Variants in DOCK3 observed in about 807,000 individuals in gnomAD.
The protein encoded by DOCK3 is dedicator of cytokinesis 3, also known as dedicator of cytokinesis protein 3.
Under a neutral mutation model 265.6 loss-of-function variants are expected in DOCK3, and 60 were observed. The observed-to-expected ratio is 0.23, with a 90% CI of 0.18 to 0.28. The LOEUF is 0.28. Ranked by LOEUF, DOCK3 falls within the 10% of genes least tolerant of loss-of-function variation. DOCK3 has a pLI of 1.00. For missense variants in DOCK3, 1,981 were observed against 2,594.3 expected (o/e 0.76, Z 5.14); for synonymous variants, 881 against 938.0 (o/e 0.94, Z 1.11).
At chr3:51,222,472 G>T (rs1335652676) in intron 14 of DOCK3, among the ~76,000 whole-genome samples, 1 of 152,196 alleles carries the variant, frequency 6.6e-6, no homozygotes, top group Non-Finnish European at 1.5e-5. Flanking sequence ...TGGAGAGCTT[G>T]ATTGAAGTGA....
chr3:51,093,588 C>T (rs1401462537), intron 9 of DOCK3, among the ~76,000 whole-genome samples: 4 of 152,270 alleles, frequency 2.6e-5, no homozygotes, highest in Non-Finnish European at 4.4e-5. Context: ...TGGGCTGAGA[C>T]GATGGGGTTT....
At chr3:51,016,645 T>TA (rs2079285753) in intron 5 of DOCK3, among the ~76,000 whole-genome samples, 1 of 55,432 alleles carries the variant, frequency 1.8e-5, no homozygotes, top group Non-Finnish European at 3.1e-5. Flanking sequence ...TGATATATAT[T>TA]TATATGTTTA....
rs543376850 is a variant in DOCK3, at chr3:50,680,089, G to A, written c.37+4789G>A. Among the ~76,000 whole-genome samples, 6 of 152,208 alleles carry A rather than the reference G, an allele frequency of 3.9e-5. No individual in the cohort carries two copies. The East Asian group carries it at 1.2e-3, about 29-fold the overall frequency. On this transcript the variant is annotated intron_variant, in intron 1 of 52. Transcript: ENST00000266037. The stretch of plus-strand genomic sequence containing the variant: ...TATTATTACACCGTGTCCTCTGAAA[G>A]GAATTGTCAGTAGTATATGACTGTG...
chr3:51,220,687 A>ATATATATG (rs1553797700), intron 14 of DOCK3, among the ~76,000 whole-genome samples: 2 of 67,598 alleles, frequency 3.0e-5, no homozygotes, highest in African/African-American at 1.2e-4. Context: ...ATATATATAT[A>ATATATATG]TGTGTGTGTG....
intron 46 of DOCK3, among the ~76,000 whole-genome samples, chr3:51,358,577 CCT>C (rs1377205928): frequency 6.6e-6 from 1 of 152,168 alleles, no homozygotes; most frequent in Non-Finnish European, 1.5e-5. Flanking sequence ...CCCTTTTCTC[CCT>C]CTGTCTCTCC....
chr3:50,695,051 C>T (rs1288989996), intron 1 of DOCK3, among the ~76,000 whole-genome samples: 3 of 152,216 alleles, frequency 2.0e-5, no homozygotes, highest in Admixed American at 6.5e-5. Context: ...CCTTTGATAA[C>T]GTCTTTAGAT....
chr3:50,918,272 C>A (rs1467324457), intron 4 of DOCK3, among the ~76,000 whole-genome samples: 1 of 152,102 alleles, frequency 6.6e-6, no homozygotes, highest in African/African-American at 2.4e-5. Context: ...TGGATATATA[C>A]CCAGTAATGG....
intron 22 of DOCK3, among the ~76,000 whole-genome samples, chr3:51,256,775 A>C (rs2079574194): frequency 7.0e-6 from 1 of 143,436 alleles, no homozygotes; most frequent in African/African-American, 2.6e-5. Flanking sequence ...TTGTGTTTTT[A>C]GTAGAGACGG....
intron 3 of DOCK3, among the ~76,000 whole-genome samples, chr3:50,849,941 G>A (rs1469373933): frequency 6.6e-6 from 1 of 151,750 alleles, no homozygotes; most frequent in Non-Finnish European, 1.5e-5. Flanking sequence ...TTTAAGCTCT[G>A]ACGTTCTTTC....
chr3:51,111,720 TC>T (rs2083527386), intron 9 of DOCK3, among the ~76,000 whole-genome samples: 1 of 152,148 alleles, frequency 6.6e-6, no homozygotes, highest in Non-Finnish European at 1.5e-5. Context: ...ACAAATGGGA[TC>T]TATTTAAAGA....
At chr3:50,806,431 T>G (rs2608994) in intron 2 of DOCK3, among the ~76,000 whole-genome samples, 144,695 of 151,628 alleles carry the variant, frequency 0.95, 69,451 homozygotes, top group East Asian at 1. Flanking sequence ...CATGTCTGTG[T>G]TGGGTGGGAA....
Position 51,202,215 on chromosome 3 carries a change from T to C in DOCK3, c.1038-6559T>C, listed in dbSNP as rs753856940. ...AGACACAAAAAACCCTTCAAAAAATTAATGAATCCAGGAGCTGGTTTTTTG... is the reference window on the plus strand; with the variant it reads ...AGACACAAAAAACCCTTCAAAAAATCAATGAATCCAGGAGCTGGTTTTTTG... On this transcript the variant is annotated intron_variant, in intron 12 of 52. Coordinates refer to ENST00000266037, the MANE Select transcript of DOCK3 (RefSeq NM_004947.5). Among the ~76,000 whole-genome samples, 343 of 138,592 alleles carry C rather than the reference T, an allele frequency of 2.5e-3. 1 individual carries two copies. Among genetic ancestry groups the C allele is most frequent in the Non-Finnish European group, 4.0e-3 (256 of 64,382 alleles). 90.9% of individuals were successfully genotyped at this position (138,592 alleles called of 152,430 possible). A position where few individuals can be genotyped will look rare whatever the true frequency, so the allele number is the denominator to read the frequency against.
chr3:50,806,363 C>T (rs879590980), intron 2 of DOCK3, among the ~76,000 whole-genome samples: 3 of 151,970 alleles, frequency 2.0e-5, no homozygotes, highest in Non-Finnish European at 4.4e-5. Flanking sequence ...TGAGGGCGGC[C>T]TGTGGGACTT....
intron 1 of DOCK3, among the ~76,000 whole-genome samples, chr3:50,773,139 A>C (rs899083697): frequency 1.3e-5 from 2 of 152,124 alleles, no homozygotes; most frequent in African/African-American, 4.8e-5. Context: ...GTCCACAGTT[A>C]CAGCCAACTT....
chr3:50,916,846 CAAAAAAAAA>C (rs397877086), intron 4 of DOCK3, among the ~76,000 whole-genome samples: 2 of 77,104 alleles, frequency 2.6e-5, no homozygotes, highest in Non-Finnish European at 5.6e-5. Flanking sequence ...GACTCCGTTT[CAAAAAAAAA>C]AAAAAAAAAA....
chr3:51,099,074 A>G (rs766113645), intron 9 of DOCK3, among the ~76,000 whole-genome samples: 2 of 152,198 alleles, frequency 1.3e-5, no homozygotes, highest in Non-Finnish European at 2.9e-5. Context: ...TCATCAGTAT[A>G]TTTTGTTGCA....
chr3:51,099,561 G>A (rs1471928307), intron 9 of DOCK3, among the ~76,000 whole-genome samples: 1 of 152,210 alleles, frequency 6.6e-6, no homozygotes, highest in South Asian at 2.1e-4. Context: ...AAAATCCTCT[G>A]TGAGGAGAGG....
chr3:51,018,088 C>T (rs2079429605), intron 5 of DOCK3, among the ~76,000 whole-genome samples: 1 of 151,244 alleles, frequency 6.6e-6, no homozygotes, highest in Non-Finnish European at 1.5e-5. Flanking sequence ...GATGGGGTTT[C>T]ACTATGTTGG....
intron 12 of DOCK3, among the ~76,000 whole-genome samples, chr3:51,184,247 A>G (rs146656451): frequency 6.8e-4 from 103 of 151,344 alleles, no homozygotes; most frequent in African/African-American, 2.4e-3. Flanking sequence ...GGAGGCAGAA[A>G]TTGCAGTGAG....
Sources: gnomAD v4.1 joint callset for allele counts (sites outside exome capture counted in the v4.1 genomes callset) on GRCh38, gnomAD v4.1.1 for gene constraint, MANE v1.5 for transcripts, NCBI Gene and HGNC (gene_info 2026-07-23, HGNC 2026-07-21) for gene names.